CACNB2: variants seen among roughly 807,000 people sequenced by gnomAD.
CACNB2 encodes the protein calcium voltage-gated channel auxiliary subunit beta 2, also known as voltage-dependent L-type calcium channel subunit beta-2.
CACNB2 carries 42 observed loss-of-function variants against 73.3 expected under a neutral mutation model. The observed-to-expected ratio is 0.57, with a 90% CI of 0.45 to 0.74. The LOEUF (loss-of-function observed/expected upper bound fraction) is 0.74. Among genes scored for constraint, CACNB2 ranks in the 30% least tolerant of loss-of-function variants. The probability of loss-of-function intolerance (pLI) is 0.00; values close to 1 mark genes in which losing one functional copy is unlikely to be tolerated. For synonymous variants in CACNB2, 348 were observed against 310.3 expected (o/e 1.12, Z -1.28); for missense variants, 940 against 853.0 (o/e 1.10, Z -1.27).
At chr10:18,368,821 A>G (rs1397365556) in intron 2 of CACNB2, among the ~76,000 whole-genome samples, 1 of 152,156 alleles carries the variant, frequency 6.6e-6, no homozygotes, top group Admixed American at 6.5e-5. Flanking sequence ...TTCAGAAACC[A>G]TATGCTCTAT....
At chr10:18,246,285 T>C (rs1407245057) in intron 2 of CACNB2, among the ~76,000 whole-genome samples, 2 of 152,158 alleles carry the variant, frequency 1.3e-5, no homozygotes, top group Non-Finnish European at 2.9e-5. Flanking sequence ...AAATGTGAAG[T>C]GCTCAGCACA....
intron 2 of CACNB2, among the ~76,000 whole-genome samples, chr10:18,387,270 A>G (rs958629745): frequency 6.6e-6 from 1 of 152,080 alleles, no homozygotes; most frequent in Non-Finnish European, 1.5e-5. Context: ...TCTGAGTCCC[A>G]TCTTCATCTC....
chr10:18,290,981 T>C (rs2039042357), intron 2 of CACNB2, among the ~76,000 whole-genome samples: 1 of 152,252 alleles, frequency 6.6e-6, no homozygotes, highest in South Asian at 2.1e-4. Flanking sequence ...TGGTCCCCTT[T>C]GGGGCTTCTA....
intron 1 of CACNB2, among the ~76,000 whole-genome samples, chr10:18,150,337 T>G (rs77922498): frequency 0.017 from 2,591 of 152,344 alleles, 75 homozygotes; most frequent in African/African-American, 0.059. Flanking sequence ...CATCCATTGT[T>G]TTAATTCACT....
Position 18,357,099 on chromosome 10 carries a change from C to T in CACNB2, c.214-44825C>T, listed in dbSNP as rs550080820. 2.4e-3 allele frequency among the ~76,000 whole-genome samples: 369 copies of T among 150,774 alleles called. 1 individual carries two copies. Among genetic ancestry groups the T allele is most frequent in the African/African-American group, 8.8e-3 (360 of 40,946 alleles). ...AGCTGGGACTACAGGCGCGCACCAC[C>T]ATGCCCGGCTAATTTTTGTATTTTT... On this transcript the variant is annotated intron_variant, in intron 2 of 13. Coordinates refer to ENST00000324631, the MANE Select transcript of CACNB2 (RefSeq NM_201596.3).
chr10:18,506,934 G>A (rs542253055), intron 6 of CACNB2, among the ~76,000 whole-genome samples: 143 of 152,278 alleles, frequency 9.4e-4, no homozygotes, highest in African/African-American at 3.2e-3. Flanking sequence ...AAGTAGCTGG[G>A]ACTACAGGTG....
At chr10:18,357,446 G>A (rs1279524576) in intron 2 of CACNB2, among the ~76,000 whole-genome samples, 7 of 152,166 alleles carry the variant, frequency 4.6e-5, no homozygotes, top group Admixed American at 6.5e-5. Context: ...ACTAGAAAAT[G>A]TGAGGAAGCA....
At chr10:18,220,146 T>C (rs1436449365) in intron 2 of CACNB2, among the ~76,000 whole-genome samples, 4 of 37,142 alleles carry the variant, frequency 1.1e-4, no homozygotes, top group Non-Finnish European at 1.2e-4. Flanking sequence ...TATATATATA[T>C]ATATATATAC....
At chr10:18,278,814 G>A (rs557020838) in intron 2 of CACNB2, among the ~76,000 whole-genome samples, 6 of 151,964 alleles carry the variant, frequency 3.9e-5, no homozygotes, top group South Asian at 4.2e-4. Context: ...CAAGGAGTTC[G>A]AGACCAGCCT....
At chr10:18,243,397 A>T (rs2131515966) in intron 2 of CACNB2, among the ~76,000 whole-genome samples, 1 of 152,276 alleles carries the variant, frequency 6.6e-6, no homozygotes, top group African/African-American at 2.4e-5. Context: ...GTTTACAGGG[A>T]TCATGCTCAC....
At chr10:18,207,103 G>C (rs2035126889) in intron 2 of CACNB2, among the ~76,000 whole-genome samples, 1 of 152,042 alleles carries the variant, frequency 6.6e-6, no homozygotes, top group Non-Finnish European at 1.5e-5. Context: ...CTACCTCCCG[G>C]GTTCAAGTGA....
At chr10:18,505,231 G>C (rs1589579216) in intron 5 of CACNB2, among the ~76,000 whole-genome samples, 1 of 146,232 alleles carries the variant, frequency 6.8e-6, no homozygotes, top group East Asian at 2.1e-4. Flanking sequence ...ACTGAAATTA[G>C]ACTTAATACT....
intron 2 of CACNB2, among the ~76,000 whole-genome samples, chr10:18,324,191 A>G (rs1417574822): frequency 6.6e-6 from 1 of 152,212 alleles, no homozygotes; most frequent in African/African-American, 2.4e-5. Flanking sequence ...TCGGCATTAC[A>G]GGGAGGAGAA....
intron 2 of CACNB2, among the ~76,000 whole-genome samples, chr10:18,376,904 A>G (rs905848637): frequency 7.2e-5 from 11 of 152,166 alleles, no homozygotes; most frequent in South Asian, 2.1e-4. Flanking sequence ...GCAGTTTTTG[A>G]TTACGGTGAA....
chr10:18,478,656 T>A (rs1189339385), intron 3 of CACNB2, among the ~76,000 whole-genome samples: 1 of 152,176 alleles, frequency 6.6e-6, no homozygotes, highest in African/African-American at 2.4e-5. Context: ...TATTCCCTAA[T>A]AGAGTTAAGA....
At chr10:18,516,924 G>C (rs1040924950) in intron 7 of CACNB2, among the ~76,000 whole-genome samples, 2 of 152,134 alleles carry the variant, frequency 1.3e-5, no homozygotes, top group Non-Finnish European at 2.9e-5. Flanking sequence ...CACAGTCATG[G>C]TAATATTTTT....
At chr10:18,438,002 A>ATTTTTT (rs56671616) in intron 3 of CACNB2, among the ~76,000 whole-genome samples, 5 of 41,768 alleles carry the variant, frequency 1.2e-4, no homozygotes, top group Admixed American at 7.8e-4. Context: ...GCCCAGTTGG[A>ATTTTTT]TTTTTTTTTT....
In CACNB2 at chr10:18,403,756, G is replaced by C. The variant is rs545904751; in HGVS notation, c.333+1713G>C. 1.2e-4 allele frequency among the ~76,000 whole-genome samples: 18 copies of C among 151,850 alleles called. No individual in the cohort carries two copies. In the South Asian group the frequency reaches 1.7e-3, roughly 14 times the overall value. On this transcript the variant is annotated intron_variant, in intron 3 of 13. Coordinates refer to ENST00000324631, the MANE Select transcript of CACNB2 (RefSeq NM_201596.3). ...GATGATAGTTAGAAATGATGTAGAG[G>C]ATAAAAGAAAATGAAGAGACTTTAA...
intron 3 of CACNB2, among the ~76,000 whole-genome samples, chr10:18,476,174 C>T (rs1404531651): frequency 6.6e-6 from 1 of 152,268 alleles, no homozygotes; most frequent in South Asian, 2.1e-4. Context: ...TATAGGGTAA[C>T]TTCCTGACAT....
Sources: allele counts gnomAD v4.1 joint callset (sites outside exome capture counted in the v4.1 genomes callset), GRCh38; gene constraint gnomAD v4.1.1; transcripts MANE v1.5; gene names NCBI Gene and HGNC (gene_info 2026-07-23, HGNC 2026-07-21).